CHCHD3: variants seen among roughly 807,000 people sequenced by gnomAD.
The protein encoded by CHCHD3 is coiled-coil-helix-coiled-coil-helix domain containing 3, also known as MICOS complex subunit MIC19.
A neutral mutation model predicts 38.2 loss-of-function variants in CHCHD3; 20 were observed. The observed-to-expected ratio is 0.52, with a 90% confidence interval of 0.37 to 0.76. CHCHD3 has a LOEUF of 0.76. Among genes scored for constraint, CHCHD3 ranks in the 30% least tolerant of loss-of-function variants. The pLI is 0.00. For missense variants in CHCHD3, 245 were observed against 279.2 expected, an observed-to-expected ratio of 0.88 and a Z score of 0.87; for synonymous variants, 82 against 100.0, an observed-to-expected ratio of 0.82 and a Z score of 1.07.
chr7:132,941,184 T>C (rs1374541285), intron 4 of CHCHD3, among the ~76,000 whole-genome samples: 1 of 152,182 alleles, frequency 6.6e-6, no homozygotes, highest in Non-Finnish European at 1.5e-5. Flanking sequence ...TATCCAATGT[T>C]AAGAAATAGC....
At chr7:132,884,836 G>A (rs1017003257) in intron 5 of CHCHD3, among the ~76,000 whole-genome samples, 4 of 152,220 alleles carry the variant, frequency 2.6e-5, no homozygotes, top group South Asian at 2.1e-4. Flanking sequence ...CTGACTTGAC[G>A]CCGTATCTCT....
chr7:132,834,553 T>C (rs1278529558), intron 6 of CHCHD3, among the ~76,000 whole-genome samples: 1 of 151,788 alleles, frequency 6.6e-6, no homozygotes, highest in East Asian at 1.9e-4. Context: ...GGAGGGAGGG[T>C]CCAAACCAGC....
chr7:132,824,594 A>G (rs928595325), intron 6 of CHCHD3, among the ~76,000 whole-genome samples: 18 of 152,122 alleles, frequency 1.2e-4, no homozygotes, highest in African/African-American at 4.1e-4. Flanking sequence ...GATTACAGGC[A>G]TGAGCCACCA....
intron 3 of CHCHD3, among the ~76,000 whole-genome samples, chr7:132,988,394 C>T (rs1812183504): frequency 6.6e-6 from 1 of 151,942 alleles, no homozygotes; most frequent in South Asian, 2.1e-4. Context: ...GTAATCCCCA[C>T]ATTAAATAAT....
chr7:133,025,696 G>A (rs1486797208), intron 2 of CHCHD3, among the ~76,000 whole-genome samples: 2 of 152,130 alleles, frequency 1.3e-5, no homozygotes, highest in Non-Finnish European at 2.9e-5. Flanking sequence ...AGTAGAGATG[G>A]CGTTTCATCA....
At chr7:132,829,311 T>C (rs1416663074) in intron 6 of CHCHD3, among the ~76,000 whole-genome samples, 1 of 152,104 alleles carries the variant, frequency 6.6e-6, no homozygotes, top group African/African-American at 2.4e-5. Context: ...AGGAAGGAAA[T>C]AAGCTATCAT....
intron 6 of CHCHD3, among the ~76,000 whole-genome samples, chr7:132,826,082 A>G (rs1243443438): frequency 6.6e-6 from 1 of 152,198 alleles, no homozygotes; most frequent in African/African-American, 2.4e-5. Context: ...TCACATAGTC[A>G]GCTTTGTTGA....
chr7:133,044,702 G>A (rs1813927595), intron 2 of CHCHD3, among the ~76,000 whole-genome samples: 1 of 152,230 alleles, frequency 6.6e-6, no homozygotes, highest in African/African-American at 2.4e-5. Context: ...GTAAAGTGTT[G>A]GTAATGATTA....
At chr7:132,798,026 T>C (rs1406479760) in intron 6 of CHCHD3, among the ~76,000 whole-genome samples, 1 of 152,114 alleles carries the variant, frequency 6.6e-6, no homozygotes, top group East Asian at 1.9e-4. Flanking sequence ...TTTAATGGGT[T>C]CAAACAAAAC....
chr7:132,904,322 C>T (rs554390668), intron 4 of CHCHD3, among the ~76,000 whole-genome samples: 1 of 151,564 alleles, frequency 6.6e-6, no homozygotes, highest in Admixed American at 6.6e-5. Flanking sequence ...AGGAATATAC[C>T]TTAGAAACCA....
In CHCHD3 at chr7:132,813,454, ATCTC is replaced by A. The variant is rs1807124449; in HGVS notation, c.525-16881_525-16878del. 5 of 152,286 alleles carry A rather than the reference ATCTC, an allele frequency of 3.3e-5. No homozygotes were observed. In the South Asian group the frequency reaches 8.3e-4, roughly 25 times the overall value. The allele number at this position is 152,286 out of a possible 1,614,324, so 9.4% of individuals were successfully genotyped here. ...AGTGGAAGCTTGGGCAAGTTTCTTG[ATCTC>A]TCTAAGATGCAAATTTTTCCTCATT... is the stretch of plus-strand genomic sequence containing the variant. On this transcript the variant is annotated intron_variant, in intron 6 of 7. Transcript: ENST00000262570.
At chr7:133,073,065 A>G (rs938663723) in intron 1 of CHCHD3, among the ~76,000 whole-genome samples, 2 of 152,014 alleles carry the variant, frequency 1.3e-5, no homozygotes, top group Non-Finnish European at 2.9e-5. Context: ...GTCACCAATG[A>G]CCAAATAAAT....
At chr7:132,879,840 A>C (rs1809008713) in intron 5 of CHCHD3, among the ~76,000 whole-genome samples, 1 of 151,900 alleles carries the variant, frequency 6.6e-6, no homozygotes, top group Admixed American at 6.6e-5. Flanking sequence ...CTCAAGAAGA[A>C]ATTTTTAAGC....
intron 3 of CHCHD3, among the ~76,000 whole-genome samples, chr7:132,988,160 G>A (rs1812171746): frequency 1.3e-5 from 2 of 151,948 alleles, no homozygotes; most frequent in South Asian, 2.1e-4. Context: ...TGTTCCTAAC[G>A]CTCAGGTCAT....
At chr7:132,882,546 C>T (rs1362563609) in intron 5 of CHCHD3, among the ~76,000 whole-genome samples, 1 of 150,036 alleles carries the variant, frequency 6.7e-6, no homozygotes, top group Non-Finnish European at 1.5e-5. Flanking sequence ...TAATCTTCTA[C>T]CACTTGTTCT....
chr7:132,889,366 A>G (rs1809304125), intron 4 of CHCHD3, among the ~76,000 whole-genome samples: 1 of 152,086 alleles, frequency 6.6e-6, no homozygotes, highest in Admixed American at 6.6e-5. Flanking sequence ...TTCCATTATC[A>G]TTATTTAGAA....
Position 133,070,238 on chromosome 7 carries a change from G to C in CHCHD3, c.82-9C>G. Reference sequence around the variant, plus strand: ...ATCACATTTTCCGAAAGCTGGAAAAGCAACATCAAAATAAAATCAATTATA... The same window carrying C: ...ATCACATTTTCCGAAAGCTGGAAAACCAACATCAAAATAAAATCAATTATA... On this transcript the variant is annotated splice_polypyrimidine_tract_variant and intron_variant, in intron 1 of 7. Transcript: ENST00000262570. 6.2e-7 allele frequency: 1 copy of C among 1,608,606 alleles called. No homozygotes were observed. Among genetic ancestry groups the C allele is most frequent in the South Asian group, 1.1e-5 (1 of 90,012 alleles).
At chr7:132,918,956 G>T (rs970362868) in intron 4 of CHCHD3, among the ~76,000 whole-genome samples, 1 of 152,116 alleles carries the variant, frequency 6.6e-6, no homozygotes, top group African/African-American at 2.4e-5. Flanking sequence ...ATGTGCCATG[G>T]ACACTGCAAA....
chr7:132,911,894 G>C (rs1036373772), intron 4 of CHCHD3, among the ~76,000 whole-genome samples: 4 of 152,180 alleles, frequency 2.6e-5, no homozygotes, highest in Non-Finnish European at 4.4e-5. Context: ...ATGCAATGTA[G>C]GTTAATAATG....
Sources: allele counts gnomAD v4.1 joint callset (sites outside exome capture counted in the v4.1 genomes callset), GRCh38; gene constraint gnomAD v4.1.1; transcripts MANE v1.5; gene names NCBI Gene and HGNC (gene_info 2026-07-23, HGNC 2026-07-21).